ZNF618: variants seen among roughly 807,000 people sequenced by gnomAD.
The protein encoded by ZNF618 is neural precursor cell expressed, developmentally down-regulated 10.
In ZNF618, 34 loss-of-function variants were observed where a neutral mutation model predicts 103.0. That is an observed-to-expected ratio of 0.33 (90% CI 0.25 to 0.44). The LOEUF is 0.44. ZNF618 is among the 20% of genes least tolerant of loss of function. ZNF618 has a pLI of 1.00. For missense variants in ZNF618, 1,059 were observed against 1,295.4 expected, an observed-to-expected ratio of 0.82 and a Z score of 2.80; for synonymous variants, 551 against 542.2, an observed-to-expected ratio of 1.02 and a Z score of -0.23.
chr9:114,027,502 G>T (rs530544038), intron 10 of ZNF618, among the ~76,000 whole-genome samples: 15 of 152,358 alleles, frequency 9.8e-5, no homozygotes, highest in African/African-American at 3.6e-4. Flanking sequence ...CACCAGTGTG[G>T]TAAATGAAGG....
chr9:113,958,170 A>G (rs1213454634), intron 1 of ZNF618, among the ~76,000 whole-genome samples: 2 of 152,118 alleles, frequency 1.3e-5, no homozygotes, highest in East Asian at 1.9e-4. Flanking sequence ...CACTCTCTCC[A>G]AGGTCACCCC....
At chr9:113,934,780 CG>C in intron 1 of ZNF618, among the ~76,000 whole-genome samples, 1 of 152,296 alleles carries the variant, frequency 6.6e-6, no homozygotes. Context: ...CTGTGTGACT[CG>C]AGGCAGACGT....
chr9:113,932,833 G>T (rs1833715234), intron 1 of ZNF618, among the ~76,000 whole-genome samples: 1 of 152,160 alleles, frequency 6.6e-6, no homozygotes, highest in Admixed American at 6.5e-5. Context: ...CCCCAGTGCT[G>T]ATGTTATGTA....
chr9:113,930,720 C>T (rs4979305), intron 1 of ZNF618, among the ~76,000 whole-genome samples: 5,378 of 152,268 alleles, frequency 0.035, 545 homozygotes, highest in East Asian at 0.3. Context: ...TTGCCTTCCT[C>T]GCTCAGCAGT....
At chr9:113,947,872 A>T (rs569320479) in intron 1 of ZNF618, among the ~76,000 whole-genome samples, 5 of 152,344 alleles carry the variant, frequency 3.3e-5, no homozygotes, top group African/African-American at 1.2e-4. Flanking sequence ...CGTGCAAGAA[A>T]ACCACAGCTG....
intron 1 of ZNF618, among the ~76,000 whole-genome samples, chr9:113,956,262 A>C (rs1438621726): frequency 1.4e-5 from 2 of 143,036 alleles, no homozygotes; most frequent in Non-Finnish European, 3.0e-5. Flanking sequence ...ACTAGATTAG[A>C]GGGGGCAAGC....
intron 1 of ZNF618, among the ~76,000 whole-genome samples, chr9:113,954,860 C>T (rs183821341): frequency 1.3e-5 from 2 of 152,276 alleles, no homozygotes; most frequent in East Asian, 3.9e-4. Flanking sequence ...CATTCTCTCC[C>T]TCTGGTGGTG....
At chr9:114,026,047 G>A (rs1843470829) in intron 10 of ZNF618, among the ~76,000 whole-genome samples, 2 of 152,204 alleles carry the variant, frequency 1.3e-5, no homozygotes, top group Non-Finnish European at 2.9e-5. Context: ...TCCTTGAAAG[G>A]GAAGGCAAGA....
intron 1 of ZNF618, among the ~76,000 whole-genome samples, chr9:113,890,305 G>T (rs768995603): frequency 2.7e-4 from 41 of 152,152 alleles, no homozygotes; most frequent in Non-Finnish European, 2.9e-4. Flanking sequence ...TTCACATTTT[G>T]ATGAGCATTA....
Position 114,008,396 on chromosome 9 carries a change from T to C in ZNF618, c.676+17T>C. 6.2e-7 allele frequency: 1 copy of C among 1,614,006 alleles called. No individual in the cohort carries two copies. The highest frequency in any genetic ancestry group is 8.5e-7 in the Non-Finnish European group (1 of 1,179,864). On this transcript the variant is annotated intron_variant, in intron 8 of 14. Coordinates refer to ENST00000374126, the MANE Select transcript of ZNF618 (RefSeq NM_001318042.2). The stretch of plus-strand genomic sequence containing the variant: ...ACCGGGCAGGTAAGTCCTTGGTGTC[T>C]GCTTGTCACCTCCCCTGTCCCCGGC...
rs116536420 is a variant in ZNF618, at chr9:114,007,542, A to C, written c.640+103A>C. 2.5e-4 allele frequency: 284 copies of C among 1,116,524 alleles called. 1 individual carries two copies. In the African/African-American group the frequency reaches 4.2e-3, roughly 16 times the overall value. 69.2% of individuals were successfully genotyped at this position (1,116,524 alleles called of 1,614,324 possible). A position where few individuals can be genotyped will look rare whatever the true frequency, so the allele number is the denominator to read the frequency against. ...GCCTCCCTCCTCCCTCTTACCCAGA[A>C]AAAGGCCAGGCAGTAGCTGGAACCA... On this transcript the variant is annotated intron_variant, in intron 7 of 14. Transcript: ENST00000374126.
chr9:113,975,819 G>A (rs1266347947), intron 2 of ZNF618, among the ~76,000 whole-genome samples: 1 of 152,136 alleles, frequency 6.6e-6, no homozygotes. Flanking sequence ...GGTATGTTTT[G>A]GGAGGTATCT....
chr9:113,991,600 G>C (rs551699540), intron 3 of ZNF618, among the ~76,000 whole-genome samples: 51 of 152,208 alleles, frequency 3.4e-4, no homozygotes, highest in Non-Finnish European at 6.5e-4. Context: ...GATAGTCATT[G>C]TTTCTGCTTT....
chr9:113,972,040 T>C (rs142079314), intron 2 of ZNF618, among the ~76,000 whole-genome samples: 2 of 152,308 alleles, frequency 1.3e-5, no homozygotes, highest in African/African-American at 4.8e-5. Flanking sequence ...TTTATGTGTA[T>C]TAATTTATTA....
chr9:113,959,018 G>T (rs1368386649), intron 1 of ZNF618, among the ~76,000 whole-genome samples: 2 of 152,250 alleles, frequency 1.3e-5, no homozygotes, highest in South Asian at 2.1e-4. Context: ...GCCGGGCGCG[G>T]TGGCTCATGC....
intron 2 of ZNF618, among the ~76,000 whole-genome samples, chr9:113,972,896 G>C (rs1264813828): frequency 3.9e-5 from 6 of 152,078 alleles, no homozygotes; most frequent in Non-Finnish European, 8.8e-5. Context: ...GCGAAACCCT[G>C]TCTCAACTTA....
At chr9:113,985,531 A>G (rs1292070971) in intron 2 of ZNF618, among the ~76,000 whole-genome samples, 1 of 152,194 alleles carries the variant, frequency 6.6e-6, no homozygotes, top group African/African-American at 2.4e-5. Context: ...CTGGGGGGCC[A>G]GGGGGACTCT....
intron 1 of ZNF618, among the ~76,000 whole-genome samples, chr9:113,919,518 A>C (rs1832445872): frequency 1.3e-5 from 2 of 152,240 alleles, no homozygotes; most frequent in African/African-American, 4.8e-5. Flanking sequence ...CGGGCTTGCC[A>C]TCCGTGCTGG....
chr9:113,960,336 T>G (rs1836727933), intron 1 of ZNF618, among the ~76,000 whole-genome samples: 1 of 152,222 alleles, frequency 6.6e-6, no homozygotes, highest in South Asian at 2.1e-4. Flanking sequence ...GCCTTCCAAG[T>G]CTGTCCATAA....
Sources: gnomAD v4.1 joint callset for allele counts (sites outside exome capture counted in the v4.1 genomes callset) on GRCh38, gnomAD v4.1.1 for gene constraint, MANE v1.5 for transcripts, NCBI Gene and HGNC (gene_info 2026-07-23, HGNC 2026-07-21) for gene names.